LVRN: variants seen among roughly 807,000 people sequenced by gnomAD.
LVRN encodes the protein laeverin, also known as aminopeptidase Q.
In LVRN, 99 loss-of-function variants were observed where a neutral mutation model predicts 111.4. That is an observed-to-expected ratio of 0.89 (90% confidence interval 0.76 to 1.05). The LOEUF is 1.05. Among genes scored for constraint, LVRN ranks in the 50% least tolerant of loss-of-function variants. The pLI is 0.00. For missense variants in LVRN, 1,414 were observed against 1,206.8 expected (o/e 1.17, Z -2.54); for synonymous variants, 488 against 449.5 (o/e 1.09, Z -1.08).
chr5:115,965,305 T>C (rs750562830), intron 1 of LVRN, among the ~76,000 whole-genome samples: 1 of 152,130 alleles, frequency 6.6e-6, no homozygotes, highest in Non-Finnish European at 1.5e-5. Flanking sequence ...AGTGGGGAGT[T>C]ATTGCTTAAT....
chr5:115,973,593 G>A lies in LVRN; in HGVS notation c.696-9694G>A, dbSNP rs148425912. ...CTTAAATTTATCTAATAGATACAGG[G>A]CTATTTAGGTTATCTATTTCTTCAT... On this transcript the variant is annotated intron_variant, in intron 1 of 19. Coordinates refer to ENST00000357872, the MANE Select transcript of LVRN (RefSeq NM_173800.5). 2.8e-4 allele frequency among the ~76,000 whole-genome samples: 43 copies of A among 152,244 alleles called. No individual in the cohort carries two copies. In the East Asian group the frequency reaches 6.6e-3, roughly 23 times the overall value.
At chr5:115,988,631 C>G (rs111614447) in intron 4 of LVRN, among the ~76,000 whole-genome samples, 2,892 of 152,264 alleles carry the variant, frequency 0.019, 94 homozygotes, top group African/African-American at 0.066. Context: ...GCTGCCTATA[C>G]TGGCAGATAG....
intron 11 of LVRN, 99 bp downstream of exon 11, chr5:116,003,010 C>A: frequency 9.6e-7 from 1 of 1,036,846 alleles, no homozygotes; most frequent in Non-Finnish European, 1.4e-6. Flanking sequence ...CATTTCATTT[C>A]AAACTAAAAT....
Position 116,010,800 on chromosome 5 carries a change from A to T in LVRN, c.2153A>T (p.Asp718Val). Reference sequence around the variant, plus strand: ...TTAACCAAGTACCTTGCTGAAGAAGATGAAATTATAGTATGGCATACAGTC... The same window carrying T: ...TTAACCAAGTACCTTGCTGAAGAAGTTGAAATTATAGTATGGCATACAGTC... ...LELTKYLAEE[D>V]EIIVWHTVLV... The change falls in exon 14 of 20, where the codon GAT becomes GTT. Residue 718 changes from aspartate to valine, a missense_variant. By Grantham distance (152) the Asp-to-Val change is radical. Coordinates refer to ENST00000357872, the MANE Select transcript of LVRN (RefSeq NM_173800.5). The T allele has an allele frequency of 6.2e-7, 1 of 1,611,214 alleles. No individual in the cohort carries two copies. The highest frequency in any genetic ancestry group is 2.2e-5 in the East Asian group (1 of 44,774).
chr5:115,984,523 T>A (rs1160815093), intron 2 of LVRN, 47 bp from the exon 3 acceptor site: 1 of 1,599,578 alleles, frequency 6.3e-7, no homozygotes, highest in Admixed American at 1.7e-5. Flanking sequence ...CAAAGACATG[T>A]AATTGCTTAG....
At chr5:115,968,693 C>T (rs931267455) in intron 1 of LVRN, among the ~76,000 whole-genome samples, 2 of 152,138 alleles carry the variant, frequency 1.3e-5, no homozygotes, top group Non-Finnish European at 2.9e-5. Context: ...GAGAAAAGAA[C>T]AAATGGAGAA....
chr5:115,971,815 T>C (rs1753333465), intron 1 of LVRN, among the ~76,000 whole-genome samples: 1 of 152,056 alleles, frequency 6.6e-6, no homozygotes, highest in Non-Finnish European at 1.5e-5. Flanking sequence ...CCATATTAAT[T>C]TTAGAATTAG....
chr5:116,019,706 C>A (rs753249480), intron 18 of LVRN, among the ~76,000 whole-genome samples: 1 of 152,178 alleles, frequency 6.6e-6, no homozygotes, highest in Non-Finnish European at 1.5e-5. Flanking sequence ...ATCATGAGTA[C>A]GAGCAGAGGG....
chr5:115,984,640 G>A lies in LVRN; in HGVS notation c.909G>A (p.Met303Ile). Residue 303 changes from methionine (M) to isoleucine (I), a missense_variant, in exon 3 of 20, where the codon ATG becomes ATA. Physicochemically the swap from Met to Ile is conservative, Grantham distance 10. Coordinates refer to ENST00000357872, the MANE Select transcript of LVRN (RefSeq NM_173800.5). Reference protein sequence around the residue: ...TVTTFSTTPHMPTYLVAFVIC... With the variant: ...TVTTFSTTPHIPTYLVAFVIC... ...CAACCTTTTCCACTACGCCCCACAT[G>A]CCAACTTACTTAGTCGCATTTGTTA... 1 of 1,613,692 alleles carries A rather than the reference G, an allele frequency of 6.2e-7. No homozygotes were observed. Among genetic ancestry groups the A allele is most frequent in the Non-Finnish European group, 8.5e-7 (1 of 1,179,778 alleles).
At chr5:115,992,325 G>A (rs781429172) in intron 5 of LVRN, 48 bp downstream of exon 5, 7 of 1,604,702 alleles carry the variant, frequency 4.4e-6, no homozygotes, top group South Asian at 1.1e-5. Flanking sequence ...TATTCTCCAG[G>A]TGCGCTACCA....
chr5:116,003,180 A>G, intron 11 of LVRN, 61 bp from the exon 12 acceptor site: 1 of 1,408,026 alleles, frequency 7.1e-7, no homozygotes, highest in Non-Finnish European at 9.8e-7. Context: ...GTGTAGTATT[A>G]ATAGGTATTA....
intron 4 of LVRN, 31 bp from the exon 5 acceptor site, chr5:115,992,087 ATTATT>A (rs1243290031): frequency 7.1e-6 from 11 of 1,546,870 alleles, no homozygotes; most frequent in Non-Finnish European, 9.6e-6. Flanking sequence ...TTTGGAAAAG[ATTATT>A]TTATTTTCTC....
chr5:115,963,839 G>C (rs574099564), intron 1 of LVRN, among the ~76,000 whole-genome samples: 1 of 152,290 alleles, frequency 6.6e-6, no homozygotes, highest in Non-Finnish European at 1.5e-5. Flanking sequence ...CATCCCGTTT[G>C]TTTCTATTGC....
At chr5:115,971,076 A>G (rs1447817133) in intron 1 of LVRN, among the ~76,000 whole-genome samples, 1 of 152,140 alleles carries the variant, frequency 6.6e-6, no homozygotes, top group Non-Finnish European at 1.5e-5. Context: ...AGTGTTCTTC[A>G]TTACAGTTTT....
intron 6 of LVRN, among the ~76,000 whole-genome samples, chr5:115,996,120 C>T (rs536984175): frequency 2.4e-4 from 37 of 152,242 alleles, no homozygotes; most frequent in African/African-American, 8.9e-4. Flanking sequence ...CTTTTGAAAG[C>T]AGTTGGGTAT....
intron 1 of LVRN, among the ~76,000 whole-genome samples, chr5:115,966,104 A>G (rs534885527): frequency 1.3e-5 from 2 of 152,310 alleles, no homozygotes; most frequent in East Asian, 3.9e-4. Context: ...CTATGCATAT[A>G]TATGTCTTTG....
chr5:116,016,352 A>G lies in LVRN; in HGVS notation c.2756+587A>G, dbSNP rs530957128. ...TAATTAAACAGACATATTTGACATG[A>G]TAATATGTATGTCACTAGTCCTCAT... On this transcript the variant is annotated intron_variant, in intron 18 of 19. Transcript: ENST00000357872. Among the ~76,000 whole-genome samples the G allele has an allele frequency of 9.6e-4, 146 of 152,348 alleles. 3 individuals are homozygous for G. Among genetic ancestry groups the G allele is most frequent in the Admixed American group, 9.4e-3 (144 of 15,304 alleles).
At chr5:115,990,953 A>G (rs1034805021) in intron 4 of LVRN, among the ~76,000 whole-genome samples, 1 of 152,086 alleles carries the variant, frequency 6.6e-6, no homozygotes, top group African/African-American at 2.4e-5. Flanking sequence ...GAGAGTTCCC[A>G]TATATTCTCT....
intron 4 of LVRN, 44 bp downstream of exon 4, chr5:115,987,983 T>C: frequency 6.3e-7 from 1 of 1,587,888 alleles, no homozygotes. Context: ...TTCCTGTTAT[T>C]TGGGCCCTTG....
Sources: allele counts gnomAD v4.1 joint callset (sites outside exome capture counted in the v4.1 genomes callset), GRCh38; gene constraint gnomAD v4.1.1; transcripts MANE v1.5; gene names NCBI Gene and HGNC (gene_info 2026-07-23, HGNC 2026-07-21).